Variants in SUN2 observed in about 807,000 individuals in gnomAD.
SUN2 encodes Sad1 and UNC84 domain containing 2.
In SUN2, 60 loss-of-function variants were observed where a neutral mutation model predicts 100.0. That is an observed-to-expected ratio of 0.60 (90% CI 0.49 to 0.74). SUN2 has a LOEUF of 0.74. SUN2 is among the 30% of genes least tolerant of loss of function. The pLI is 0.00. For missense variants in SUN2, 834 were observed against 954.6 expected, an observed-to-expected ratio of 0.87 and a Z score of 1.66; for synonymous variants, 367 against 403.3, an observed-to-expected ratio of 0.91 and a Z score of 1.08.
At position 38,735,121 on chromosome 22, in the gene SUN2, T is replaced by A; in HGVS notation, c.*1146A>T. 2.5e-6 allele frequency: 1 copy of A among 399,844 alleles called. No homozygotes were observed. The highest frequency in any genetic ancestry group is 4.9e-6 in the Non-Finnish European group (1 of 205,162). The allele number at this position is 399,844 out of a possible 1,614,324, so 24.8% of individuals were successfully genotyped here. Reference sequence around the variant, plus strand: ...CAGACCTTGAAAAATATATACATAATACAGTGGGGCCTGCTGGCTCTAAAA... The same window carrying A: ...CAGACCTTGAAAAATATATACATAAAACAGTGGGGCCTGCTGGCTCTAAAA... On this transcript the variant is annotated 3_prime_UTR_variant, in exon 18 of 18. Transcript: ENST00000689035.
chr22:38,740,507 AC>A lies in SUN2; in HGVS notation c.1191-76del, dbSNP rs1447752883. ...AAGGCCACACCAAAGATGAAAGAGGACCCCCTAGTGGGCTCCCGTCAGGAGA... is the reference window on the plus strand; with the variant it reads ...AAGGCCACACCAAAGATGAAAGAGGACCCCTAGTGGGCTCCCGTCAGGAGA... On this transcript the variant is annotated intron_variant, in intron 11 of 17. Coordinates refer to ENST00000689035, the MANE Select transcript of SUN2 (RefSeq NM_015374.3). The surrounding 1 kb of genome is among the most constrained non-coding windows in gnomAD (Gnocchi z 4.8). 2.5e-5 allele frequency: 34 copies of A among 1,386,058 alleles called. No individual in the cohort carries two copies. The highest frequency in any genetic ancestry group is 2.7e-5 in the Non-Finnish European group (29 of 1,059,216). The allele number at this position is 1,386,058 out of a possible 1,614,324, so 85.9% of individuals were successfully genotyped here.
intron 8 of SUN2, chr22:38,745,117 G>C: frequency 2.1e-6 from 1 of 471,190 alleles, no homozygotes; most frequent in Non-Finnish European, 4.4e-6. Context: ...CAAAGGTCTG[G>C]TTGCCTTGGT....
At chr22:38,743,887 C>T (rs2092880420) in intron 8 of SUN2, 1 of 152,158 alleles carries the variant, frequency 6.6e-6, no homozygotes, top group Admixed American at 6.5e-5. Flanking sequence ...TTTGGCAGCA[C>T]ATATAATAAA....
Position 38,752,594 on chromosome 22 carries a change from G to A in SUN2, c.35C>T (p.Ser12Phe), listed in dbSNP as rs745874505. Reference sequence around the variant, plus strand: ...GCTGCTGCCGTCATCGTCACCCTGGGAGTAGCGCGTGAGGCGCTGGCTTCT... The same window carrying A: ...GCTGCTGCCGTCATCGTCACCCTGGAAGTAGCGCGTGAGGCGCTGGCTTCT... The part of the protein sequence containing the change: ...SRRSQRLTRY[S>F]QGDDDGSSSS... Residue 12 changes from serine to phenylalanine, a missense_variant, in exon 2 of 18, where the codon TCC (serine) becomes TTC (phenylalanine). Coordinates refer to ENST00000689035, the MANE Select transcript of SUN2 (RefSeq NM_015374.3). 1.9e-6 allele frequency: 3 copies of A among 1,614,016 alleles called. No homozygotes were observed. The highest frequency in any genetic ancestry group is 2.2e-5 in the South Asian group (2 of 91,090).
rs1312626869 is a variant in SUN2 at position 38,739,770 on chromosome 22, G to C, written c.1530C>G (p.Ser510=). Residue 510 remains serine (S), a synonymous_variant, in exon 13 of 18, where the codon TCC becomes TCG. Coordinates refer to ENST00000689035, the MANE Select transcript of SUN2 (RefSeq NM_015374.3). The surrounding 1 kb of genome is among the most constrained non-coding windows in gnomAD (Gnocchi z 6.7). ...CTTCTTTCTGCAGCGTCAGGCTCAG[G>C]GAGGCCGCGGCTTCCCTGGCCGACT... The part of the protein sequence containing the change: ...QGKSAREAAA[S]LSLTLQKEGV... 1.2e-6 allele frequency: 2 copies of C among 1,613,554 alleles called. No homozygotes were observed. Among genetic ancestry groups the C allele is most frequent in the African/African-American group, 2.7e-5 (2 of 74,940 alleles).
In SUN2 at chr22:38,755,667, C is replaced by T; in HGVS notation, c.-38+96G>A. The T allele has an allele frequency of 7.2e-6, 7 of 976,520 alleles. No individual in the cohort carries two copies. Among genetic ancestry groups the T allele is most frequent in the Non-Finnish European group, 8.5e-6 (7 of 821,820 alleles). 60.5% of individuals were successfully genotyped at this position (976,520 alleles called of 1,614,324 possible). A position where few individuals can be genotyped will look rare whatever the true frequency, so the allele number is the denominator to read the frequency against. ...CACGTCCCGGAGAGGAGGAAGCAGG[C>T]CTGGCGGCGCGGCCCCGCCCGAGTG... On this transcript the variant is annotated intron_variant, in intron 1 of 17. Transcript: ENST00000689035. This position sits in a 1 kb window ranked among gnomAD's most constrained non-coding sequence, Gnocchi z 5.7.
chr22:38,755,788 G>A lies in SUN2; in HGVS notation c.-63C>T. 1.0e-6 allele frequency: 1 copy of A among 984,454 alleles called. No homozygotes were observed. Among genetic ancestry groups the A allele is most frequent in the Non-Finnish European group, 1.2e-6 (1 of 829,608 alleles). The allele number at this position is 984,454 out of a possible 1,614,324, so 61.0% of individuals were successfully genotyped here. ...CTGCTGCCGCGGCGGCTTCTAGCCC[G>A]GCCGGGGGCGTCCGAGGCCAGGCCG... On this transcript the variant is annotated 5_prime_UTR_variant, in exon 1 of 18. Coordinates refer to ENST00000689035, the MANE Select transcript of SUN2 (RefSeq NM_015374.3). The surrounding 1 kb of genome is among the most constrained non-coding windows in gnomAD (Gnocchi z 5.7).
chr22:38,752,388 C>T (rs1051923111), intron 2 of SUN2, 119 bp downstream of exon 2: 70 of 1,340,900 alleles, frequency 5.2e-5, no homozygotes, highest in Non-Finnish European at 6.3e-5. Context: ...CCACGTCCTT[C>T]GATTTCCACC....
At position 38,745,865 on chromosome 22, in the gene SUN2, C is replaced by T. The variant is rs376333649; in HGVS notation, c.686-54G>A. 343 of 1,591,878 alleles carry T rather than the reference C, an allele frequency of 2.2e-4. 2 individuals are homozygous for T. Among genetic ancestry groups the T allele is most frequent in the Middle Eastern group, 2.0e-3 (11 of 5,440 alleles). The stretch of plus-strand genomic sequence containing the variant: ...AGCTGGGCCTCCAGCAAGAGGCGCG[C>T]GCCAGGGAGGATGGCTACCTGATCC... On this transcript the variant is annotated intron_variant, in intron 7 of 17. Coordinates refer to ENST00000689035, the MANE Select transcript of SUN2 (RefSeq NM_015374.3).
chr22:38,740,210 A>G lies in SUN2; in HGVS notation c.1356+57T>C. On this transcript the variant is annotated intron_variant, in intron 12 of 17. Transcript: ENST00000689035. This position sits in a 1 kb window ranked among gnomAD's most constrained non-coding sequence, Gnocchi z 4.8. ...GGTGCTGCTTTGCAGGCCCCAGGACACGTCGTCTCAAAGGAGGAGGAGAGG... is the reference window on the plus strand; with the variant it reads ...GGTGCTGCTTTGCAGGCCCCAGGACGCGTCGTCTCAAAGGAGGAGGAGAGG... 1 of 1,476,150 alleles carries G rather than the reference A, an allele frequency of 6.8e-7. No individual in the cohort carries two copies. Among genetic ancestry groups the G allele is most frequent in the Non-Finnish European group, 9.0e-7 (1 of 1,110,188 alleles). The allele number at this position is 1,476,150 out of a possible 1,614,324, so 91.4% of individuals were successfully genotyped here.
At chr22:38,749,109 A>C in intron 6 of SUN2, 1 of 294,024 alleles carries the variant, frequency 3.4e-6, no homozygotes, top group Non-Finnish European at 6.4e-6. Context: ...AACTCCTTAA[A>C]TAACAACAAG....
chr22:38,745,882 A>G lies in SUN2; in HGVS notation c.686-71T>C, dbSNP rs1295741743. Reference sequence around the variant, plus strand: ...GAGGCGCGCGCCAGGGAGGATGGCTACCTGATCCCTGCCAGTGCTTGTGGC... The same window carrying G: ...GAGGCGCGCGCCAGGGAGGATGGCTGCCTGATCCCTGCCAGTGCTTGTGGC... On this transcript the variant is annotated intron_variant, in intron 7 of 17. Transcript: ENST00000689035. 6 of 1,565,806 alleles carry G rather than the reference A, an allele frequency of 3.8e-6. No homozygotes were observed. The Admixed American group carries it at 7.4e-5, about 19-fold the overall frequency.
Position 38,738,119 on chromosome 22 carries a change from G to C in SUN2, c.2040+54C>G. The stretch of plus-strand genomic sequence containing the variant: ...CAGGGTAAGTGCCCAGGGAGCACCT[G>C]CTGCCTGGATGGGGAGTCTGCGCCA... On this transcript the variant is annotated intron_variant, in intron 17 of 17. Transcript: ENST00000689035. This position sits in a 1 kb window ranked among gnomAD's most constrained non-coding sequence, Gnocchi z 6.6. 1 of 1,538,056 alleles carries C rather than the reference G, an allele frequency of 6.5e-7. No homozygotes were observed. The highest frequency in any genetic ancestry group is 1.1e-5 in the South Asian group (1 of 89,486).
rs757445240 is a variant in SUN2 at position 38,742,530 on chromosome 22, A to G, written c.839T>C (p.Val280Ala). ...TTCCAGACGCCGCTCCAGAGAGTGT[A>G]CCCGGGACATAACACGCTGCTCAGC... ...FQAEQRVMSRVHSLERRLEAL... is the reference protein window; with the variant it reads ...FQAEQRVMSRAHSLERRLEAL... Residue 280 changes from valine (V) to alanine (A), a missense_variant, in exon 9 of 18, where the codon GTA (valine) becomes GCA (alanine). Val to Ala is a moderately conservative substitution (Grantham distance 64). Transcript: ENST00000689035. 1.2e-6 allele frequency: 2 copies of G among 1,612,828 alleles called. No homozygotes were observed. Among genetic ancestry groups the G allele is most frequent in the South Asian group, 1.1e-5 (1 of 91,062 alleles).
chr22:38,751,138 G>A (rs1176549022), intron 3 of SUN2, 72 bp downstream of exon 3: 3 of 1,607,512 alleles, frequency 1.9e-6, no homozygotes, highest in East Asian at 2.2e-5. Flanking sequence ...GGGGACTGCA[G>A]GGGACACTGT....
chr22:38,748,758 G>T lies in SUN2; in HGVS notation c.640C>A (p.Leu214Ile). The T allele has an allele frequency of 3.1e-6, 5 of 1,614,234 alleles. No homozygotes were observed. The highest frequency in any genetic ancestry group is 4.2e-6 in the Non-Finnish European group (5 of 1,180,042). ...AAGAGCAGCGGCAGCAGGAACCAGA[G>T]GAACGTCTTCAGGGACGAGAAGCGC... ...TRRFSSLKTFLWFLLPLLLLT... is the reference protein window; with the variant it reads ...TRRFSSLKTFIWFLLPLLLLT... The change falls in exon 7 of 18, where the codon CTC (leucine) becomes ATC (isoleucine). Residue 214 changes from leucine (L) to isoleucine (I), a missense_variant. By Grantham distance (5) the Leu-to-Ile change is conservative. Coordinates refer to ENST00000689035, the MANE Select transcript of SUN2 (RefSeq NM_015374.3).
chr22:38,743,200 T>C (rs1264984505), intron 8 of SUN2: 1 of 152,166 alleles, frequency 6.6e-6, no homozygotes, highest in Non-Finnish European at 1.5e-5. Flanking sequence ...ATAAAAACTG[T>C]CAAATAAAGG....
rs776301535 is a variant in SUN2 at position 38,742,324 on chromosome 22, T to C, written c.1045A>G (p.Arg349Gly). ...ACCTGGATGCGAGCAGCAGTTTCCC[T>C]GCGGAAATCCTCCTTCAGGGCAGCT... is the stretch of plus-strand genomic sequence containing the variant. Reference protein sequence around the residue: ...REAALKEDFRRETAARIQEEL... With the variant: ...REAALKEDFRGETAARIQEEL... Residue 349 changes from arginine (R) to glycine (G), a missense_variant, in exon 9 of 18, where the codon AGG becomes GGG. Arg to Gly is a moderately radical substitution (Grantham distance 125). Transcript: ENST00000689035. The C allele has an allele frequency of 6.2e-7, 1 of 1,605,524 alleles. No individual in the cohort carries two copies. The highest frequency in any genetic ancestry group is 1.7e-5 in the Admixed American group (1 of 59,798).
In SUN2 at chr22:38,753,138, CAT is replaced by C. The variant is rs539894200; in HGVS notation, c.-37-475_-37-474del. Among the ~76,000 whole-genome samples, 14 of 151,548 alleles carry C rather than the reference CAT, an allele frequency of 9.2e-5. No individual in the cohort carries two copies. In the South Asian group the frequency reaches 2.7e-3, roughly 29 times the overall value. On this transcript the variant is annotated intron_variant, in intron 1 of 17. Coordinates refer to ENST00000689035, the MANE Select transcript of SUN2 (RefSeq NM_015374.3). Reference sequence around the variant, plus strand: ...CGCTCTAGCTGTGTCCCTTTGCTGACATGTGCTCGTTCATCGAGGGCCCCAAC... The same window carrying C: ...CGCTCTAGCTGTGTCCCTTTGCTGACGTGCTCGTTCATCGAGGGCCCCAAC...
Sources: gnomAD v4.1 joint callset for allele counts (sites outside exome capture counted in the v4.1 genomes callset) on GRCh38, gnomAD v4.1.1 for gene constraint, Gnocchi (gnomAD v3.1) non-coding constraint, MANE v1.5 for transcripts, NCBI Gene and HGNC (gene_info 2026-07-23, HGNC 2026-07-21) for gene names.